The following FBXW8 variants were observed in gnomAD, a reference collection of about 807,000 sequenced individuals.
The protein encoded by FBXW8 is F-box/WD repeat-containing protein 8.
Under a neutral mutation model 65.3 loss-of-function variants are expected in FBXW8, and 57 were observed. The ratio of observed to expected loss-of-function variants is 0.87; its 90% CI spans 0.71 to 1.09. The LOEUF (loss-of-function observed/expected upper bound fraction) is 1.09. FBXW8 is among the 50% of genes least tolerant of loss of function. The pLI, the probability that FBXW8 is intolerant of heterozygous loss-of-function variation, is 0.00. For missense variants in FBXW8, 777 were observed against 814.8 expected (o/e 0.95, Z 0.57); for synonymous variants, 308 against 330.2 (o/e 0.93, Z 0.73).
intron 3 of FBXW8, among the ~76,000 whole-genome samples, chr12:116,946,467 A>G (rs1488170686): frequency 2.6e-5 from 4 of 152,126 alleles, no homozygotes; most frequent in Non-Finnish European, 5.9e-5. Context: ...TGTCCTGTGC[A>G]TTGCAGGCTG....
Position 116,928,090 on chromosome 12 carries a change from A to G in FBXW8, c.386A>G (p.Gln129Arg), listed in dbSNP as rs1881471775. The G allele has an allele frequency of 1.2e-6, 2 of 1,611,984 alleles. No individual in the cohort carries two copies. The highest frequency in any genetic ancestry group is 8.5e-7 in the Non-Finnish European group (1 of 1,179,092). The change falls in exon 2 of 11, where the codon CAG (glutamine) becomes CGG (arginine). Residue 129 changes from glutamine (Q) to arginine (R), a missense_variant. Transcript: ENST00000652555. The part of the protein sequence containing the change: ...LPYELAINIF[Q>R]YLDRKELGRC... The stretch of plus-strand genomic sequence containing the variant: ...TACGAATTGGCAATCAATATATTTC[A>G]GTATCTGGACAGGAAAGAACTAGGA...
intron 6 of FBXW8, chr12:116,987,330 C>T (rs1253825574): frequency 6.6e-6 from 1 of 152,312 alleles, no homozygotes; most frequent in Non-Finnish European, 1.5e-5. Flanking sequence ...GGCTCACCTT[C>T]TATGTGTCCT....
chr12:116,975,974 T>C (rs1268847281), intron 5 of FBXW8, among the ~76,000 whole-genome samples: 2 of 152,248 alleles, frequency 1.3e-5, no homozygotes, highest in East Asian at 1.9e-4. Context: ...TTAAATATGT[T>C]GCATCAGCGT....
rs865975946 is a variant in FBXW8 at position 117,028,093 on chromosome 12, C to T, written c.1718C>T (p.Pro573Leu). Residue 573 changes from proline to leucine, a missense_variant, in exon 11 of 11, where the codon CCT becomes CTT. Transcript: ENST00000652555. This position sits in a 1 kb window ranked among gnomAD's most constrained non-coding sequence, Gnocchi z 4.1. Reference sequence around the variant, plus strand: ...CAGCTGGCCTTCCAGAGCCCTCTCCCTGTCTGCCGTTCATCCTGTGACGCC... The same window carrying T: ...CAGCTGGCCTTCCAGAGCCCTCTCCTTGTCTGCCGTTCATCCTGTGACGCC... ...VDQLAFQSPL[P>L]VCRSSCDAMA... The T allele has an allele frequency of 2.0e-5, 32 of 1,614,054 alleles. No homozygotes were observed. Among genetic ancestry groups the T allele is most frequent in the Middle Eastern group, 1.6e-4 (1 of 6,084 alleles).
intron 1 of FBXW8, among the ~76,000 whole-genome samples, chr12:116,913,162 A>G (rs983834701): frequency 1.3e-5 from 2 of 150,976 alleles, no homozygotes; most frequent in Admixed American, 6.6e-5. Context: ...CTGAAATCTG[A>G]TGACTGGTAT....
intron 5 of FBXW8, among the ~76,000 whole-genome samples, chr12:116,974,227 G>A (rs1884792905): frequency 6.6e-6 from 1 of 152,258 alleles, no homozygotes; most frequent in South Asian, 2.1e-4. Flanking sequence ...ATTGGCTGAG[G>A]ATTCCCTCGA....
chr12:117,011,158 G>A (rs1365162418), intron 8 of FBXW8, among the ~76,000 whole-genome samples: 1 of 92,822 alleles, frequency 1.1e-5, no homozygotes, highest in Non-Finnish European at 1.9e-5. Flanking sequence ...GTTATCTGCT[G>A]TGTCTGATCC....
intron 1 of FBXW8, among the ~76,000 whole-genome samples, chr12:116,920,623 A>G (rs1444487398): frequency 6.6e-6 from 1 of 152,174 alleles, no homozygotes; most frequent in East Asian, 1.9e-4. Flanking sequence ...GGAGAACCTA[A>G]AGGAGGTGAG....
chr12:116,915,401 C>T (rs1294801719), intron 1 of FBXW8, among the ~76,000 whole-genome samples: 1 of 152,192 alleles, frequency 6.6e-6, no homozygotes, highest in African/African-American at 2.4e-5. Flanking sequence ...TTTTTAAGCT[C>T]AAACTATGTA....
At chr12:116,954,894 G>A (rs906851052) in intron 4 of FBXW8, among the ~76,000 whole-genome samples, 10 of 152,002 alleles carry the variant, frequency 6.6e-5, no homozygotes, top group African/African-American at 2.4e-4. Context: ...CCTCCCTCCA[G>A]CTGGCTCCAT....
rs61936968 is a variant in FBXW8, at chr12:116,916,913, A to T, written c.318+5558A>T. On this transcript the variant is annotated intron_variant, in intron 1 of 10. Coordinates refer to ENST00000652555, the MANE Select transcript of FBXW8 (RefSeq NM_153348.3). Reference sequence around the variant, plus strand: ...GCGTGTGTGTGTGTGTGTGTGTGTGAGAGAGAGAGAGAGAAAGAGGTGTGT... The same window carrying T: ...GCGTGTGTGTGTGTGTGTGTGTGTGTGAGAGAGAGAGAGAAAGAGGTGTGT... Among the ~76,000 whole-genome samples the T allele has an allele frequency of 1.3e-3, 106 of 80,972 alleles. 1 individual carries two copies. In the South Asian group the frequency reaches 0.024, roughly 18 times the overall value. The allele number at this position is 80,972 out of a possible 152,430, so 53.1% of individuals were successfully genotyped here.
intron 8 of FBXW8, among the ~76,000 whole-genome samples, chr12:117,021,981 T>G (rs1191517334): frequency 1.3e-5 from 2 of 152,342 alleles, no homozygotes; most frequent in South Asian, 4.1e-4. Context: ...CACTCGGATA[T>G]GTAGTTTTCT....
Position 117,028,067 on chromosome 12 carries a change from C to T in FBXW8, c.1692C>T (p.Asp564=). ...GLIRAYEFAV[D]QLAFQSPLPV... ...TCCGCGCCTATGAGTTTGCGGTGGA[C>T]CAGCTGGCCTTCCAGAGCCCTCTCC... The change falls in exon 11 of 11, where the codon GAC becomes GAT. Residue 564 remains aspartate (D), a synonymous_variant. Coordinates refer to ENST00000652555, the MANE Select transcript of FBXW8 (RefSeq NM_153348.3). The surrounding 1 kb of genome is among the most constrained non-coding windows in gnomAD (Gnocchi z 4.1). 1 of 1,614,120 alleles carries T rather than the reference C, an allele frequency of 6.2e-7. No homozygotes were observed. The highest frequency in any genetic ancestry group is 1.1e-5 in the South Asian group (1 of 91,080).
At chr12:117,006,977 A>G (rs1395944176) in intron 7 of FBXW8, among the ~76,000 whole-genome samples, 1 of 152,232 alleles carries the variant, frequency 6.6e-6, no homozygotes, top group Non-Finnish European at 1.5e-5. Context: ...AAATAATCCC[A>G]TTTAGGAAAA....
intron 1 of FBXW8, among the ~76,000 whole-genome samples, chr12:116,924,420 G>A (rs1004869813): frequency 3.3e-5 from 5 of 152,092 alleles, no homozygotes; most frequent in African/African-American, 1.2e-4. Context: ...TATTATTTGT[G>A]TTGTAAACAT....
rs536160169 is a variant in FBXW8 at position 117,022,568 on chromosome 12, T to A, written c.1368-1579T>A. On this transcript the variant is annotated intron_variant, in intron 8 of 10. Coordinates refer to ENST00000652555, the MANE Select transcript of FBXW8 (RefSeq NM_153348.3). ...TATTCGGGACGCTGAGGTGGGAGGA[T>A]CACCTGAGCCCAGGAAGCTGAGGCT... Among the ~76,000 whole-genome samples, 7 of 152,184 alleles carry A rather than the reference T, an allele frequency of 4.6e-5. No individual in the cohort carries two copies. The East Asian group carries it at 9.7e-4, about 21-fold the overall frequency.
At position 117,014,960 on chromosome 12, in the gene FBXW8, C is replaced by T. The variant is rs116936560; in HGVS notation, c.1367+4510C>T. On this transcript the variant is annotated intron_variant, in intron 8 of 10. Coordinates refer to ENST00000652555, the MANE Select transcript of FBXW8 (RefSeq NM_153348.3). Reference sequence around the variant, plus strand: ...CTGGTCAGAAAGATGGGGTTTCTATCAGAGTTCTACCTGCCGGCATCGCCG... The same window carrying T: ...CTGGTCAGAAAGATGGGGTTTCTATTAGAGTTCTACCTGCCGGCATCGCCG... Among the ~76,000 whole-genome samples, 1,330 of 152,268 alleles carry T rather than the reference C, an allele frequency of 8.7e-3. 17 individuals are homozygous for T. The highest frequency in any genetic ancestry group is 0.053 in the South Asian group (258 of 4,824).
rs576054356 is a variant in FBXW8 at position 117,015,570 on chromosome 12, A to G, written c.1367+5120A>G. On this transcript the variant is annotated intron_variant, in intron 8 of 10. Coordinates refer to ENST00000652555, the MANE Select transcript of FBXW8 (RefSeq NM_153348.3). ...GGGAGAAGCTTATCCGTGCTGTGCTATGGAGAACCAAGAGTTGGTGCTAAG... is the reference window on the plus strand; with the variant it reads ...GGGAGAAGCTTATCCGTGCTGTGCTGTGGAGAACCAAGAGTTGGTGCTAAG... 1.3e-4 allele frequency among the ~76,000 whole-genome samples: 20 copies of G among 152,260 alleles called. No homozygotes were observed. The South Asian group carries it at 1.4e-3, about 11-fold the overall frequency.
chr12:116,964,778 G>A lies in FBXW8; in HGVS notation c.759G>A (p.Glu253=). 1 of 1,613,450 alleles carries A rather than the reference G, an allele frequency of 6.2e-7. No homozygotes were observed. The highest frequency in any genetic ancestry group is 8.5e-7 in the Non-Finnish European group (1 of 1,180,020). Residue 253 remains glutamate, a synonymous_variant, in exon 5 of 11, where the codon GAG becomes GAA. Coordinates refer to ENST00000652555, the MANE Select transcript of FBXW8 (RefSeq NM_153348.3). ...VAPFLESEDE[E]DEPGMQPNVS... Reference sequence around the variant, plus strand: ...CCTTCCTGGAATCAGAGGACGAGGAGGATGAGCCTGGAATGCAGCCAAATG... The same window carrying A: ...CCTTCCTGGAATCAGAGGACGAGGAAGATGAGCCTGGAATGCAGCCAAATG...
Sources: gnomAD v4.1 joint callset for allele counts (sites outside exome capture counted in the v4.1 genomes callset) on GRCh38, gnomAD v4.1.1 for gene constraint, Gnocchi (gnomAD v3.1) non-coding constraint, MANE v1.5 for transcripts, NCBI Gene and HGNC (gene_info 2026-07-23, HGNC 2026-07-21) for gene names.